The following ZFP1 variants were observed in gnomAD, a reference collection of about 807,000 sequenced individuals.
The protein encoded by ZFP1 is ZFP1 zinc finger protein, also known as zinc finger protein 1 homolog.
In ZFP1, 32 loss-of-function variants were observed where a neutral mutation model predicts 38.5. That is an observed-to-expected ratio of 0.83 (90% CI 0.63 to 1.12). ZFP1 has a LOEUF of 1.12. Ranked by LOEUF, ZFP1 falls within the 50% of genes most tolerant of loss-of-function variation. The pLI, the probability that ZFP1 is intolerant of heterozygous loss-of-function variation, is 0.00. For missense variants in ZFP1, 616 were observed against 480.8 expected, an observed-to-expected ratio of 1.28 and a Z score of -2.63; for synonymous variants, 245 against 168.8, an observed-to-expected ratio of 1.45 and a Z score of -3.50.
intron 3 of ZFP1, 118 bp from the exon 4 acceptor site, chr16:75,169,135 A>G (rs746411725): frequency 5.0e-5 from 64 of 1,280,572 alleles, no homozygotes; most frequent in Non-Finnish European, 6.3e-5. Context: ...ATATTGGGAG[A>G]CTGGGTCCCA....
At chr16:75,143,316 A>C in the ZFP1 span, among the ~76,000 whole-genome samples, 1 of 151,922 alleles carries the variant, frequency 6.6e-6, no homozygotes, top group South Asian at 2.1e-4. Flanking sequence ...ATCTGGGCTC[A>C]CTGCCACCTC....
At position 75,170,396 on chromosome 16, in the gene ZFP1, C is replaced by G; in HGVS notation, c.*62C>G. ...AGAACTCTTCAAGCGGGTGAAAAAC[C>G]TCATGACAGTATTGAGGGAACATGG... On this transcript the variant is annotated 3_prime_UTR_variant, in exon 4 of 4. Coordinates refer to ENST00000570010, the MANE Select transcript of ZFP1 (RefSeq NM_153688.4). The G allele has an allele frequency of 1.3e-6, 2 of 1,499,432 alleles. No homozygotes were observed. The highest frequency in any genetic ancestry group is 1.8e-6 in the Non-Finnish European group (2 of 1,125,010). 92.9% of individuals were successfully genotyped at this position (1,499,432 alleles called of 1,614,324 possible).
chr16:75,150,184 C>A (rs977917962), intron 1 of ZFP1, among the ~76,000 whole-genome samples: 2 of 147,798 alleles, frequency 1.4e-5, no homozygotes, highest in Admixed American at 6.9e-5. Flanking sequence ...TGCATAATTT[C>A]CAAGTTTTTG....
At chr16:75,161,757 AATAT>A (rs1338490455) in intron 2 of ZFP1, among the ~76,000 whole-genome samples, 16 of 14,294 alleles carry the variant, frequency 1.1e-3, no homozygotes, top group African/African-American at 4.3e-3. Context: ...AGTTTTATGA[AATAT>A]ATATATATAT....
In ZFP1 at chr16:75,170,319, C is replaced by A; in HGVS notation, c.1209C>A (p.Ile403=). The A allele has an allele frequency of 6.3e-7, 1 of 1,578,244 alleles. No individual in the cohort carries two copies. Among genetic ancestry groups the A allele is most frequent in the Non-Finnish European group, 8.6e-7 (1 of 1,161,744 alleles). Residue 403 remains isoleucine, a synonymous_variant, in exon 4 of 4, where the codon ATC becomes ATA. Transcript: ENST00000570010. ...SRLSVHQRVH[I]GEKP Reference sequence around the variant, plus strand: ...TCAGTGTCCATCAGAGAGTTCACATCGGGGAGAAACCCTGAAACTCCAGCC... The same window carrying A: ...TCAGTGTCCATCAGAGAGTTCACATAGGGGAGAAACCCTGAAACTCCAGCC...
chr16:75,120,144 GGT>G, the ZFP1 span, among the ~76,000 whole-genome samples: 10 of 151,734 alleles, frequency 6.6e-5, no homozygotes, highest in South Asian at 2.1e-4. Flanking sequence ...GTGTATGTGT[GGT>G]GTGTGTGTGT....
upstream of ZFP1, among the ~76,000 whole-genome samples, chr16:75,146,962 A>T (rs2036957830): frequency 9.0e-6 from 1 of 110,792 alleles, no homozygotes; most frequent in Non-Finnish European, 1.9e-5. Flanking sequence ...AAAAAAAAAA[A>T]GCCAGGGTAA....
the ZFP1 span, among the ~76,000 whole-genome samples, chr16:75,135,486 G>A: frequency 6.6e-6 from 1 of 152,170 alleles, no homozygotes; most frequent in East Asian, 1.9e-4. Flanking sequence ...GTGATTAGCT[G>A]GTAACAGTGG....
In ZFP1 at chr16:75,169,875, C is replaced by G; in HGVS notation, c.765C>G (p.Leu255=). The G allele has an allele frequency of 6.2e-7, 1 of 1,614,198 alleles. No individual in the cohort carries two copies. The highest frequency in any genetic ancestry group is 8.5e-7 in the Non-Finnish European group (1 of 1,180,020). Residue 255 remains leucine (L), a synonymous_variant, in exon 4 of 4, where the codon CTC becomes CTG. Transcript: ENST00000570010. ...AAGCTTTCACCCACCAGTCAAACCT[C>G]ATTGTACACCAGAGAGCACATATGG... The part of the protein sequence containing the change: ...CGKAFTHQSN[L]IVHQRAHMEK...
rs377442059 is a variant in ZFP1 at position 75,162,064 on chromosome 16, C to T, written c.16-4706C>T. On this transcript the variant is annotated intron_variant, in intron 2 of 3. Transcript: ENST00000570010. ...CCTCCCAAAGTGCTGGGATCACAGG[C>T]GTGAACCACCGTGCCCAGCCGAAAT... 8.1e-4 allele frequency among the ~76,000 whole-genome samples: 123 copies of T among 151,620 alleles called. 1 individual carries two copies. The highest frequency in any genetic ancestry group is 2.9e-3 in the African/African-American group (120 of 41,374).
At chr16:75,136,704 A>C in the ZFP1 span, among the ~76,000 whole-genome samples, 89 of 152,064 alleles carry the variant, frequency 5.9e-4, 1 homozygote, top group African/African-American at 1.9e-3. Context: ...CCCCATCTCC[A>C]CAAAAAAATA....
chr16:75,165,490 G>A (rs1042745724), intron 2 of ZFP1, among the ~76,000 whole-genome samples: 4 of 152,080 alleles, frequency 2.6e-5, no homozygotes, highest in Non-Finnish European at 5.9e-5. Flanking sequence ...CACCTCCCAG[G>A]TTCAAGCAAT....
chr16:75,130,689 C>T, the ZFP1 span, among the ~76,000 whole-genome samples: 2 of 152,186 alleles, frequency 1.3e-5, no homozygotes, highest in East Asian at 3.9e-4. Context: ...GCCTGACCAT[C>T]ACCTGAGGGT....
the ZFP1 span, among the ~76,000 whole-genome samples, chr16:75,135,230 A>AAAAAAAAAAAC: frequency 1.1e-4 from 1 of 9,466 alleles, no homozygotes; most frequent in Non-Finnish European, 2.6e-4. Context: ...AAAAAAAAAA[A>AAAAAAAAAAAC]AAACCACTGG....
At chr16:75,148,096 T>G (rs754331434), upstream of ZFP1, among the ~76,000 whole-genome samples, 19 of 152,200 alleles carry the variant, frequency 1.2e-4, no homozygotes, top group Non-Finnish European at 5.9e-5. Flanking sequence ...ACATGATACC[T>G]TTATGGCCAG....
the ZFP1 span, among the ~76,000 whole-genome samples, chr16:75,134,746 G>A: frequency 8.8e-5 from 11 of 125,304 alleles, no homozygotes; most frequent in Non-Finnish European, 1.3e-4. Flanking sequence ...GCAAGTCTCC[G>A]CCTCAAAAAA....
At chr16:75,144,859 C>T (rs1372660984), upstream of ZFP1, among the ~76,000 whole-genome samples, 1 of 152,052 alleles carries the variant, frequency 6.6e-6, no homozygotes, top group Non-Finnish European at 1.5e-5. Context: ...GAAACAGAGT[C>T]TCATTCTACT....
chr16:75,139,451 G>A, the ZFP1 span, among the ~76,000 whole-genome samples: 1 of 150,468 alleles, frequency 6.6e-6, no homozygotes, highest in Non-Finnish European at 1.5e-5. Context: ...CAGCACTTAA[G>A]GAGGTTGAAC....
the ZFP1 span, among the ~76,000 whole-genome samples, chr16:75,140,863 G>A: frequency 1.8e-4 from 27 of 152,210 alleles, no homozygotes; most frequent in Non-Finnish European, 3.2e-4. Context: ...GAAGGCTGAG[G>A]CAGGAGAAAG....
Sources: allele counts gnomAD v4.1 joint callset (sites outside exome capture counted in the v4.1 genomes callset), GRCh38; gene constraint gnomAD v4.1.1; transcripts MANE v1.5; gene names NCBI Gene and HGNC (gene_info 2026-07-23, HGNC 2026-07-21).